The following TMEM39A variants were observed in gnomAD, a reference collection of about 807,000 sequenced individuals.
The protein encoded by TMEM39A is transmembrane protein 39A.
Under a neutral mutation model 51.9 loss-of-function variants are expected in TMEM39A, and 19 were observed. The ratio of observed to expected loss-of-function variants is 0.37; its 90% CI spans 0.26 to 0.54. The LOEUF (loss-of-function observed/expected upper bound fraction) is 0.54, where lower values mean the gene tolerates loss of function less well. Among genes scored for constraint, TMEM39A ranks in the 20% least tolerant of loss-of-function variants. The pLI is 0.88. For synonymous variants in TMEM39A, 197 were observed against 220.2 expected, an observed-to-expected ratio of 0.89 and a Z score of 0.93; for missense variants, 433 against 590.5, an observed-to-expected ratio of 0.73 and a Z score of 2.76.
At position 119,449,138 on chromosome 3, in the gene TMEM39A, G is replaced by C. The variant is rs189216664; in HGVS notation, c.421-1966C>G. Reference sequence around the variant, plus strand: ...GGATAAGCAAGATTTCGCTAGGTGAGGGGCAGAAAAATATTCATAACATTA... The same window carrying C: ...GGATAAGCAAGATTTCGCTAGGTGACGGGCAGAAAAATATTCATAACATTA... On this transcript the variant is annotated intron_variant, in intron 4 of 8. Transcript: ENST00000319172. Among the ~76,000 whole-genome samples, 20 of 152,156 alleles carry C rather than the reference G, an allele frequency of 1.3e-4. No individual in the cohort carries two copies. The East Asian group carries it at 1.9e-3, about 15-fold the overall frequency.
chr3:119,441,090 T>C (rs1275844313), intron 5 of TMEM39A, among the ~76,000 whole-genome samples: 2 of 152,194 alleles, frequency 1.3e-5, no homozygotes, highest in African/African-American at 4.8e-5. Context: ...GTTCCATCAA[T>C]GAGCCATTCC....
intron 8 of TMEM39A, among the ~76,000 whole-genome samples, chr3:119,432,520 T>A (rs557988495): frequency 6.6e-6 from 1 of 152,218 alleles, no homozygotes; most frequent in African/African-American, 2.4e-5. Context: ...ATATATTTTA[T>A]TTAGGATAAA....
chr3:119,447,637 G>A (rs541331564), intron 4 of TMEM39A, among the ~76,000 whole-genome samples: 2 of 146,820 alleles, frequency 1.4e-5, no homozygotes, highest in African/African-American at 2.5e-5. Flanking sequence ...TTTTTTTTTC[G>A]AGACAAAGTC....
intron 7 of TMEM39A, 192 bp downstream of exon 7, chr3:119,436,599 A>G: frequency 1.8e-6 from 1 of 564,616 alleles, no homozygotes; most frequent in Non-Finnish European, 3.1e-6. Context: ...AACGCATTTA[A>G]GGAGCTGGGG....
rs1919586 is a variant in TMEM39A at position 119,452,433 on chromosome 3, C to G, written c.420+14G>C. The G allele has an allele frequency of 0.8, 1,289,637 of 1,604,950 alleles. 519,373 individuals carry two copies. Among genetic ancestry groups the G allele is most frequent in the East Asian group, 0.89 (39,703 of 44,766 alleles). ...CTAGCTACATGTGATAGAATATAGT[C>G]AATGAACTGTTACCTCTGAGATGAG... On this transcript the variant is annotated intron_variant, in intron 4 of 8. Transcript: ENST00000319172.
Position 119,429,655 on chromosome 3 carries a change from AAAAC to A in TMEM39A, c.*2322_*2325del, listed in dbSNP as rs1481815911. ...GTGGCCCCTACAAAAACAAAACAACAAAACAAACAAACAAAAAACAGCTGGAATG... is the reference window on the plus strand; with the variant it reads ...GTGGCCCCTACAAAAACAAAACAACAAAACAAACAAAAAACAGCTGGAATG... On this transcript the variant is annotated 3_prime_UTR_variant, in exon 9 of 9. Coordinates refer to ENST00000319172, the MANE Select transcript of TMEM39A (RefSeq NM_018266.3). 5.3e-5 allele frequency: 8 copies of A among 152,138 alleles called. No individual in the cohort carries two copies. Among genetic ancestry groups the A allele is most frequent in the African/African-American group, 9.7e-5 (4 of 41,438 alleles). 9.4% of individuals were successfully genotyped at this position (152,138 alleles called of 1,614,324 possible).
chr3:119,432,815 T>C (rs1400649329), intron 8 of TMEM39A, among the ~76,000 whole-genome samples: 1 of 152,110 alleles, frequency 6.6e-6, no homozygotes, highest in African/African-American at 2.4e-5. Flanking sequence ...CTCTACACCA[T>C]ATACCTGTGT....
At chr3:119,434,618 G>T in intron 8 of TMEM39A, 144 bp downstream of exon 8, 1 of 1,218,390 alleles carries the variant, frequency 8.2e-7, no homozygotes, top group Non-Finnish European at 1.1e-6. Context: ...CAAAGTACAG[G>T]GACCACTGTT....
chr3:119,458,895 C>T (rs144980616), intron 2 of TMEM39A, among the ~76,000 whole-genome samples: 11 of 152,134 alleles, frequency 7.2e-5, no homozygotes, highest in African/African-American at 2.7e-4. Context: ...AACTCCATCT[C>T]AAAAACAAAA....
At chr3:119,452,936 C>A (rs2081219353) in intron 3 of TMEM39A, among the ~76,000 whole-genome samples, 2 of 152,188 alleles carry the variant, frequency 1.3e-5, no homozygotes, top group Non-Finnish European at 2.9e-5. Flanking sequence ...GTCTCTTACA[C>A]AAGCTTATGT....
chr3:119,436,600 G>A (rs1291085662), intron 7 of TMEM39A, 191 bp downstream of exon 7: 1 of 566,566 alleles, frequency 1.8e-6, no homozygotes, highest in Non-Finnish European at 3.1e-6. Flanking sequence ...ACGCATTTAA[G>A]GAGCTGGGGT....
chr3:119,454,004 A>C (rs1560018949), intron 3 of TMEM39A, among the ~76,000 whole-genome samples: 1 of 152,200 alleles, frequency 6.6e-6, no homozygotes, highest in East Asian at 1.9e-4. Context: ...CTGAGAGCTG[A>C]ATGACAAAAA....
intron 6 of TMEM39A, 122 bp downstream of exon 6, chr3:119,437,633 G>C: frequency 1.3e-6 from 1 of 758,788 alleles, no homozygotes; most frequent in South Asian, 2.2e-5. Context: ...AGATGCAGCC[G>C]AACTCCACCA....
chr3:119,437,619 C>T (rs2080988420), intron 6 of TMEM39A, 136 bp downstream of exon 6: 2 of 652,050 alleles, frequency 3.1e-6, no homozygotes, highest in South Asian at 4.8e-5. Context: ...TATTAGTGCA[C>T]TCCAGATGCA....
intron 4 of TMEM39A, among the ~76,000 whole-genome samples, chr3:119,448,152 T>C (rs2081152509): frequency 6.6e-6 from 1 of 152,206 alleles, no homozygotes; most frequent in Non-Finnish European, 1.5e-5. Context: ...AACATGGAAA[T>C]AATGCATAAT....
intron 3 of TMEM39A, 35 bp downstream of exon 3, chr3:119,457,983 T>C (rs763329774): frequency 2.0e-6 from 3 of 1,506,294 alleles, no homozygotes; most frequent in South Asian, 1.2e-5. Context: ...CTTGGGTAAG[T>C]AACATGAAGA....
At chr3:119,443,007 A>G (rs529955147) in intron 5 of TMEM39A, among the ~76,000 whole-genome samples, 1 of 148,216 alleles carries the variant, frequency 6.7e-6, no homozygotes, top group Non-Finnish European at 1.5e-5. Context: ...CAGATGTTGC[A>G]GTGAGCCATG....
At chr3:119,460,197 G>C (rs2081319749) in intron 2 of TMEM39A, among the ~76,000 whole-genome samples, 1 of 151,770 alleles carries the variant, frequency 6.6e-6, no homozygotes, top group African/African-American at 2.4e-5. Flanking sequence ...CCTCCCCCCA[G>C]TTAATTGCTA....
At chr3:119,442,677 T>C (rs2081070636) in intron 5 of TMEM39A, among the ~76,000 whole-genome samples, 1 of 152,194 alleles carries the variant, frequency 6.6e-6, no homozygotes, top group Non-Finnish European at 1.5e-5. Flanking sequence ...AGTTGATTCC[T>C]ACCCTCATGG....
Sources: gnomAD v4.1 joint callset for allele counts (sites outside exome capture counted in the v4.1 genomes callset) on GRCh38, gnomAD v4.1.1 for gene constraint, MANE v1.5 for transcripts, NCBI Gene and HGNC (gene_info 2026-07-23, HGNC 2026-07-21) for gene names.